Variants in CACNA1A observed in about 807,000 individuals in gnomAD.
CACNA1A encodes voltage-dependent P/Q-type calcium channel subunit alpha-1A.
A neutral mutation model predicts 262.4 loss-of-function variants in CACNA1A; 57 were observed. That is an observed-to-expected ratio of 0.22 (90% CI 0.18 to 0.27). The LOEUF is 0.27. CACNA1A is among the 10% of genes least tolerant of loss of function. The pLI is 1.00. For missense variants in CACNA1A, 2,526 were observed against 3,562.8 expected (o/e 0.71, Z 7.41); for synonymous variants, 1,431 against 1,419.3 (o/e 1.01, Z -0.18).
intron 6 of CACNA1A, among the ~76,000 whole-genome samples, chr19:13,347,291 G>C (rs1484087291): frequency 2.6e-5 from 4 of 151,458 alleles, no homozygotes. Flanking sequence ...TTAAACTCTA[G>C]GGCTCAAGGG....
Position 13,212,667 on chromosome 19 carries a change from G to A in CACNA1A, c.6014C>T (p.Ala2005Val). Residue 2005 changes from alanine (A) to valine (V), a missense_variant, in exon 41 of 47, where the codon GCC (alanine) becomes GTC (valine). Around this residue, in one of 17 missense-constraint regions of CACNA1A, gnomAD observed 929 missense variants for 868.1 expected, o/e 1.07. Coordinates refer to ENST00000360228, the MANE Select transcript of CACNA1A (RefSeq NM_001127222.2). This position sits in a 1 kb window ranked among gnomAD's most constrained non-coding sequence, Gnocchi z 5.6. ...TGGGTCCAGCTGGGTGGAGGGGAGGGCGTTCTGGCCAGGTCCCCCTTCCTG... is the reference window on the plus strand; with the variant it reads ...TGGGTCCAGCTGGGTGGAGGGGAGGACGTTCTGGCCAGGTCCCCCTTCCTG... The part of the protein sequence containing the change: ...PTQEGGPGQN[A>V]LPSTQLDPGG... The A allele has an allele frequency of 6.6e-7, 1 of 1,516,278 alleles. No individual in the cohort carries two copies. The highest frequency in any genetic ancestry group is 8.8e-7 in the Non-Finnish European group (1 of 1,131,870). 93.9% of individuals were successfully genotyped at this position (1,516,278 alleles called of 1,614,324 possible).
intron 1 of CACNA1A, among the ~76,000 whole-genome samples, chr19:13,491,043 G>C (rs1980817634): frequency 6.6e-6 from 1 of 152,220 alleles, no homozygotes; most frequent in African/African-American, 2.4e-5. Context: ...CCTAGTCCTA[G>C]TTGAGCTCAG....
chr19:13,223,669 C>A (rs2055322287), intron 38 of CACNA1A, among the ~76,000 whole-genome samples: 1 of 152,170 alleles, frequency 6.6e-6, no homozygotes, highest in African/African-American at 2.4e-5. Context: ...GAAGGTGAGT[C>A]AGCTCAATGC....
At chr19:13,436,992 C>G (rs1181685141) in intron 3 of CACNA1A, among the ~76,000 whole-genome samples, 1 of 152,204 alleles carries the variant, frequency 6.6e-6, no homozygotes, top group East Asian at 1.9e-4. Context: ...TAGCTGGTGT[C>G]CCTGCCACCT....
At chr19:13,324,712 T>A (rs28575511) in intron 10 of CACNA1A, among the ~76,000 whole-genome samples, 18,117 of 151,740 alleles carry the variant, frequency 0.12, 1,083 homozygotes, top group South Asian at 0.19. Context: ...AACAACAACA[T>A]CAACAACAAC....
At chr19:13,477,177 TTCTC>T (rs1199205185) in intron 1 of CACNA1A, among the ~76,000 whole-genome samples, 16 of 152,322 alleles carry the variant, frequency 1.1e-4, no homozygotes, top group African/African-American at 3.8e-4. Flanking sequence ...TGTTCCTTCT[TTCTC>T]TAGACATCCT....
intron 36 of CACNA1A, chr19:13,228,554 T>C: frequency 4.2e-6 from 1 of 235,578 alleles, no homozygotes; most frequent in Non-Finnish European, 7.9e-6. Flanking sequence ...GAGAGTTTTC[T>C]AGTTTAATGC....
chr19:13,310,273 T>G (rs1214855589), intron 12 of CACNA1A, among the ~76,000 whole-genome samples: 1 of 150,392 alleles, frequency 6.6e-6, no homozygotes, highest in Non-Finnish European at 1.5e-5. Context: ...CTGGGCAAAT[T>G]GCTGAATCCC....
chr19:13,404,747 A>C (rs902914325), intron 3 of CACNA1A, among the ~76,000 whole-genome samples: 1 of 152,182 alleles, frequency 6.6e-6, no homozygotes, highest in Non-Finnish European at 1.5e-5. Context: ...TGAGCTAACT[A>C]ATCCCCAGGG....
chr19:13,239,973 A>G (rs2056015968), intron 31 of CACNA1A, among the ~76,000 whole-genome samples: 1 of 151,994 alleles, frequency 6.6e-6, no homozygotes, highest in South Asian at 2.1e-4. Flanking sequence ...CAACATGGTG[A>G]AACCCTGTCT....
At chr19:13,255,712 C>CAT (rs2056536032) in intron 28 of CACNA1A, among the ~76,000 whole-genome samples, 1 of 125,692 alleles carries the variant, frequency 8.0e-6, no homozygotes, top group African/African-American at 3.1e-5. Flanking sequence ...TCCTTCCCTC[C>CAT]CTCCCTCCTT....
intron 3 of CACNA1A, among the ~76,000 whole-genome samples, chr19:13,448,740 T>C (rs1178986785): frequency 3.9e-5 from 6 of 152,216 alleles, no homozygotes; most frequent in African/African-American, 1.4e-4. Flanking sequence ...AGGGACACTT[T>C]GGGTCAAAAT....
chr19:13,208,077 A>G, intron 46 of CACNA1A, 24 bp from the exon 47 acceptor site: 1 of 1,264,256 alleles, frequency 7.9e-7, no homozygotes, highest in South Asian at 3.2e-5. Context: ...GAAACAAAGG[A>G]AATCAAAAAA....
intron 4 of CACNA1A, among the ~76,000 whole-genome samples, chr19:13,366,517 G>A (rs11665788): frequency 0.24 from 36,455 of 151,910 alleles, 5,041 homozygotes; most frequent in Middle Eastern, 0.32. Context: ...GGCTGGTCTC[G>A]AACTCCTGAC....
At chr19:13,365,210 G>A (rs72997538) in intron 5 of CACNA1A, 107 bp downstream of exon 5, 95 of 938,854 alleles carry the variant, frequency 1.0e-4, no homozygotes, top group Non-Finnish European at 1.5e-4. Flanking sequence ...TGAAGGAGAC[G>A]GTCCTCCCAG....
At chr19:13,387,213 C>T (rs966229300) in intron 3 of CACNA1A, among the ~76,000 whole-genome samples, 8 of 152,176 alleles carry the variant, frequency 5.3e-5, no homozygotes, top group African/African-American at 9.6e-5. Context: ...GTCTTGGCCT[C>T]CCAAAGTGCT....
In CACNA1A at chr19:13,234,956, G is replaced by T. The variant is rs773902052; in HGVS notation, c.5214C>A (p.Phe1738Leu). 6.2e-7 allele frequency: 1 copy of T among 1,613,814 alleles called. No individual in the cohort carries two copies. Among genetic ancestry groups the T allele is most frequent in the Non-Finnish European group, 8.5e-7 (1 of 1,179,688 alleles). ...DEFQITEHNN[F>L]RTFFQALMLL... The stretch of plus-strand genomic sequence containing the variant: ...GCATGAGGGCCTGGAAGAAGGTCCG[G>T]AAGTTATTGTGCTCAGTGATTTGGA... The change falls in exon 34 of 47, where the codon TTC becomes TTA. Residue 1738 changes from phenylalanine (F) to leucine (L), a missense_variant. Physicochemically the swap from Phe to Leu is conservative, Grantham distance 22. Coordinates refer to ENST00000360228, the MANE Select transcript of CACNA1A (RefSeq NM_001127222.2).
At chr19:13,452,802 C>G in intron 3 of CACNA1A, 74 bp downstream of exon 3, 1 of 1,462,584 alleles carries the variant, frequency 6.8e-7, no homozygotes, top group Non-Finnish European at 9.4e-7. Context: ...TGAGCCTGGC[C>G]CGGACCACAC....
At chr19:13,275,804 G>A (rs2057133622) in intron 24 of CACNA1A, 46 bp downstream of exon 24, 7 of 1,294,802 alleles carry the variant, frequency 5.4e-6, no homozygotes, top group Non-Finnish European at 6.7e-6. Context: ...CCCAGGCTGG[G>A]GGTTGGGGGA....
Sources: gnomAD v4.1 joint callset for allele counts (sites outside exome capture counted in the v4.1 genomes callset) on GRCh38, gnomAD v4.1.1 for gene constraint, gnomAD v4.1.1 regional missense constraint, Gnocchi (gnomAD v3.1) non-coding constraint, MANE v1.5 for transcripts, NCBI Gene and HGNC (gene_info 2026-07-23, HGNC 2026-07-21) for gene names.